EFNA5: variants seen among roughly 807,000 people sequenced by gnomAD.
The protein encoded by EFNA5 is ephrin-A5.
Under a neutral mutation model 22.9 loss-of-function variants are expected in EFNA5, and 5 were observed. The ratio of observed to expected loss-of-function variants is 0.22; its 90% CI spans 0.11 to 0.46. EFNA5 has a LOEUF of 0.46. Among genes scored for constraint, EFNA5 ranks in the 20% least tolerant of loss-of-function variants. The pLI is 0.99. For missense variants in EFNA5, 237 were observed against 293.3 expected (o/e 0.81, Z 1.40); for synonymous variants, 113 against 112.2 (o/e 1.01, Z -0.04).
intron 1 of EFNA5, among the ~76,000 whole-genome samples, chr5:107,535,898 C>CA (rs2112455682): frequency 6.6e-6 from 1 of 152,278 alleles, no homozygotes; most frequent in Non-Finnish European, 1.5e-5. Flanking sequence ...CAGAATTCCT[C>CA]ACTCATTGTC....
chr5:107,583,768 C>T (rs1749119091), intron 1 of EFNA5, among the ~76,000 whole-genome samples: 1 of 152,210 alleles, frequency 6.6e-6, no homozygotes, highest in Non-Finnish European at 1.5e-5. Flanking sequence ...TGGAATTAGA[C>T]AGCTCTTACC....
intron 1 of EFNA5, among the ~76,000 whole-genome samples, chr5:107,448,863 AAAT>A (rs1304643664): frequency 2.6e-4 from 30 of 115,942 alleles, no homozygotes; most frequent in African/African-American, 5.3e-4. Flanking sequence ...ATAAATAAAT[AAAT>A]AAATAAAATA....
chr5:107,638,993 A>C (rs931430999), intron 1 of EFNA5, among the ~76,000 whole-genome samples: 1 of 152,212 alleles, frequency 6.6e-6, no homozygotes, highest in African/African-American at 2.4e-5. Context: ...ATAAAATAGA[A>C]AAAAGATACA....
intron 1 of EFNA5, among the ~76,000 whole-genome samples, chr5:107,621,292 T>C (rs1162677063): frequency 6.6e-6 from 1 of 152,128 alleles, no homozygotes; most frequent in Non-Finnish European, 1.5e-5. Flanking sequence ...GAAGCCGGCT[T>C]CTGCTTCCAG....
intron 1 of EFNA5, among the ~76,000 whole-genome samples, chr5:107,446,147 G>A (rs1749387221): frequency 6.6e-6 from 1 of 152,136 alleles, no homozygotes; most frequent in African/African-American, 2.4e-5. Flanking sequence ...CCTAGGACAT[G>A]TTAGGATTAA....
intron 1 of EFNA5, among the ~76,000 whole-genome samples, chr5:107,446,126 A>G (rs1749386476): frequency 6.6e-6 from 1 of 152,174 alleles, no homozygotes; most frequent in African/African-American, 2.4e-5. Flanking sequence ...ATCAGAACAT[A>G]ACACCTCACT....
chr5:107,540,430 T>A (rs1312364910), intron 1 of EFNA5, among the ~76,000 whole-genome samples: 1 of 152,134 alleles, frequency 6.6e-6, no homozygotes, highest in African/African-American at 2.4e-5. Context: ...GAAATGAAAA[T>A]TATGTCACCG....
chr5:107,651,061 T>C (rs886786316), intron 1 of EFNA5, among the ~76,000 whole-genome samples: 3 of 152,172 alleles, frequency 2.0e-5, no homozygotes, highest in Non-Finnish European at 2.9e-5. Flanking sequence ...CCTACCATTC[T>C]CCTCCACTAC....
chr5:107,639,224 A>C (rs1750450277), intron 1 of EFNA5, among the ~76,000 whole-genome samples: 1 of 152,232 alleles, frequency 6.6e-6, no homozygotes, highest in African/African-American at 2.4e-5. Context: ...CTAGAATACA[A>C]CTAATTTGGA....
intron 1 of EFNA5, among the ~76,000 whole-genome samples, chr5:107,642,136 A>C (rs1215225568): frequency 6.6e-6 from 1 of 152,186 alleles, no homozygotes; most frequent in Non-Finnish European, 1.5e-5. Context: ...CTGTGTTCCC[A>C]AATCTACTTA....
chr5:107,572,062 G>A lies in EFNA5; in HGVS notation c.125+98427C>T, dbSNP rs957750505. Among the ~76,000 whole-genome samples the A allele has an allele frequency of 2.0e-5, 3 of 152,256 alleles. No homozygotes were observed. In the South Asian group the frequency reaches 6.2e-4, roughly 32 times the overall value. The stretch of plus-strand genomic sequence containing the variant: ...CATACAGGTGTGGGCCGGGACCTTA[G>A]AGGGCAAAATAAAATGCTTCTGGAG... On this transcript the variant is annotated intron_variant, in intron 1 of 4. Transcript: ENST00000333274.
intron 1 of EFNA5, among the ~76,000 whole-genome samples, chr5:107,458,359 G>C (rs567654981): frequency 6.6e-6 from 1 of 152,012 alleles, no homozygotes; most frequent in Non-Finnish European, 1.5e-5. Context: ...CCTGGTCAGG[G>C]GGACAGACCC....
intron 1 of EFNA5, among the ~76,000 whole-genome samples, chr5:107,633,902 G>A (rs539805025): frequency 1.3e-5 from 2 of 152,244 alleles, no homozygotes; most frequent in East Asian, 3.9e-4. Context: ...ATCTAGCCCA[G>A]GAAGTGCAGG....
chr5:107,456,804 T>C (rs764689598), intron 1 of EFNA5, among the ~76,000 whole-genome samples: 11 of 152,078 alleles, frequency 7.2e-5, no homozygotes, highest in Non-Finnish European at 1.6e-4. Context: ...TAGAAGAAAT[T>C]TGGGGAAGGA....
chr5:107,492,713 C>G (rs1340610344), intron 1 of EFNA5, among the ~76,000 whole-genome samples: 1 of 152,038 alleles, frequency 6.6e-6, no homozygotes, highest in Non-Finnish European at 1.5e-5. Flanking sequence ...AGAAAATCAT[C>G]CTTGGCCGAG....
chr5:107,399,466 A>T (rs779105358), intron 2 of EFNA5, among the ~76,000 whole-genome samples: 5 of 152,146 alleles, frequency 3.3e-5, no homozygotes, highest in Admixed American at 2.0e-4. Flanking sequence ...AGATCCAAAG[A>T]TATGTAGAAT....
rs1185649306 is a variant in EFNA5, at chr5:107,482,814, GTCTCTCTCTCTGTCTCTGTCTCTCTC to G, written c.126-55331_126-55306del. ...TTGGCTGCTCTCTCTCTCTCTCTCT[GTCTCTCTCTCTGTCTCTGTCTCTCTC>G]TCTCTCTCTCTCTCTCTCTCTCTCT... On this transcript the variant is annotated intron_variant, in intron 1 of 4. Coordinates refer to ENST00000333274, the MANE Select transcript of EFNA5 (RefSeq NM_001962.3). Among the ~76,000 whole-genome samples the G allele has an allele frequency of 3.0e-3, 218 of 73,216 alleles. 2 individuals are homozygous for G. Among genetic ancestry groups the G allele is most frequent in the Middle Eastern group, 7.7e-3 (1 of 130 alleles). The allele number at this position is 73,216 out of a possible 152,430, so 48.0% of individuals were successfully genotyped here.
At chr5:107,384,007 T>C (rs528257883) in intron 4 of EFNA5, among the ~76,000 whole-genome samples, 61 of 152,328 alleles carry the variant, frequency 4.0e-4, no homozygotes, top group African/African-American at 1.4e-3. Context: ...TCCTGCAACA[T>C]GCTGTTCCTC....
chr5:107,644,633 C>A (rs1580578752), intron 1 of EFNA5, among the ~76,000 whole-genome samples: 1 of 152,138 alleles, frequency 6.6e-6, no homozygotes, highest in South Asian at 2.1e-4. Context: ...AATAGATGCT[C>A]AATCAAGAGT....
Sources: allele counts gnomAD v4.1 joint callset (sites outside exome capture counted in the v4.1 genomes callset), GRCh38; gene constraint gnomAD v4.1.1; transcripts MANE v1.5; gene names NCBI Gene and HGNC (gene_info 2026-07-23, HGNC 2026-07-21).